SH2D4B: variants seen among roughly 807,000 people sequenced by gnomAD.
SH2D4B encodes the protein SH2 domain containing 4B, also known as SH2 domain-containing protein 4B.
A neutral mutation model predicts 61.5 loss-of-function variants in SH2D4B; 45 were observed. That is an observed-to-expected ratio of 0.73 (90% CI 0.58 to 0.94). The LOEUF (loss-of-function observed/expected upper bound fraction) is 0.94. Ranked by LOEUF, SH2D4B falls within the 40% of genes least tolerant of loss-of-function variation. The pLI is 0.00. For synonymous variants in SH2D4B, 224 were observed against 220.4 expected (o/e 1.02, Z -0.14); for missense variants, 572 against 574.2 (o/e 1.00, Z 0.04).
chr10:80,626,117 A>C (rs1392380768), intron 6 of SH2D4B, among the ~76,000 whole-genome samples: 1 of 151,386 alleles, frequency 6.6e-6, no homozygotes, highest in East Asian at 1.9e-4. Flanking sequence ...TGTGCTCATC[A>C]TTTGTTCCGG....
chr10:80,543,693 A>G (rs139248361), intron 1 of SH2D4B, among the ~76,000 whole-genome samples: 1,781 of 152,164 alleles, frequency 0.012, 31 homozygotes, highest in African/African-American at 0.039. Context: ...TGGTGGGGTC[A>G]TGGAGAACCT....
Position 80,538,346 on chromosome 10 carries a change from C to T in SH2D4B, c.15C>T (p.Ile5=). 7.4e-7 allele frequency: 1 copy of T among 1,359,184 alleles called. No homozygotes were observed. The highest frequency in any genetic ancestry group is 2.9e-5 in the East Asian group (1 of 34,040). The allele number at this position is 1,359,184 out of a possible 1,614,324, so 84.2% of individuals were successfully genotyped here. A position where few individuals can be genotyped will look rare whatever the true frequency, so the allele number is the denominator to read the frequency against. The change falls in exon 1 of 8, where the codon ATC becomes ATT. Residue 5 remains isoleucine (I), a synonymous_variant. Transcript: ENST00000646907. The surrounding 1 kb of genome is among the most constrained non-coding windows in gnomAD (Gnocchi z 4.8). MLQQ[I]LHDMYIDPEL... ...CAGGTGGCATCATGCTGCAGCAGAT[C>T]CTGCACGACATGTACATCGACCCCG...
intron 3 of SH2D4B, among the ~76,000 whole-genome samples, chr10:80,584,067 T>G (rs1289583212): frequency 1.3e-5 from 2 of 152,262 alleles, no homozygotes; most frequent in African/African-American, 4.8e-5. Context: ...GGAAAATGAT[T>G]TTTAATCAAA....
chr10:80,566,942 G>T (rs1172328783), intron 1 of SH2D4B, among the ~76,000 whole-genome samples: 1 of 152,122 alleles, frequency 6.6e-6, no homozygotes, highest in Non-Finnish European at 1.5e-5. Context: ...AAATAGCAAT[G>T]CACTCCTATA....
chr10:80,590,502 C>T (rs1198102669), intron 4 of SH2D4B, among the ~76,000 whole-genome samples: 3 of 152,098 alleles, frequency 2.0e-5, no homozygotes, highest in East Asian at 3.9e-4. Flanking sequence ...GATTAATACA[C>T]GTGGACAGTG....
chr10:80,565,932 T>C (rs1841961354), intron 1 of SH2D4B, among the ~76,000 whole-genome samples: 1 of 150,960 alleles, frequency 6.6e-6, no homozygotes, highest in South Asian at 2.1e-4. Context: ...CTACTAAAAA[T>C]ACAAAAAAAT....
At chr10:80,562,629 G>A (rs1353045319) in intron 1 of SH2D4B, among the ~76,000 whole-genome samples, 2 of 152,084 alleles carry the variant, frequency 1.3e-5, no homozygotes, top group African/African-American at 2.4e-5. Context: ...ATTTCCTCTG[G>A]ATATTTATCC....
intron 4 of SH2D4B, among the ~76,000 whole-genome samples, chr10:80,597,480 A>G (rs1171617517): frequency 6.6e-6 from 1 of 152,156 alleles, no homozygotes; most frequent in East Asian, 1.9e-4. Context: ...AGCCTGGCCA[A>G]CATGGTGAAA....
intron 4 of SH2D4B, among the ~76,000 whole-genome samples, chr10:80,600,778 C>T (rs754487204): frequency 1.3e-5 from 2 of 152,086 alleles, no homozygotes; most frequent in Non-Finnish European, 2.9e-5. Context: ...TCCAAAAACC[C>T]GGCTCCCTAG....
chr10:80,567,971 T>C (rs1330155740), intron 1 of SH2D4B, among the ~76,000 whole-genome samples: 1 of 152,182 alleles, frequency 6.6e-6, no homozygotes, highest in African/African-American at 2.4e-5. Flanking sequence ...TAAAATTCTT[T>C]CCTAGACATA....
intron 4 of SH2D4B, among the ~76,000 whole-genome samples, chr10:80,599,692 A>G (rs1842428722): frequency 6.6e-6 from 1 of 152,156 alleles, no homozygotes; most frequent in Admixed American, 6.5e-5. Context: ...AAGGGTTGAG[A>G]GAGCCCTTTC....
chr10:80,623,899 A>G (rs17107415), intron 6 of SH2D4B, among the ~76,000 whole-genome samples: 15,805 of 152,172 alleles, frequency 0.1, 1,130 homozygotes, highest in African/African-American at 0.2. Context: ...CAGATTGTCT[A>G]CAATTAATCA....
chr10:80,577,205 C>T (rs2132122604), intron 3 of SH2D4B, among the ~76,000 whole-genome samples: 1 of 152,314 alleles, frequency 6.6e-6, no homozygotes, highest in East Asian at 1.9e-4. Flanking sequence ...CCAAGTTAGC[C>T]ATGCAGAGAG....
intron 5 of SH2D4B, among the ~76,000 whole-genome samples, chr10:80,605,440 T>G (rs1842508040): frequency 6.6e-6 from 1 of 152,218 alleles, no homozygotes; most frequent in Admixed American, 6.5e-5. Context: ...AGTTTGGCAC[T>G]TATTTTTTGA....
At chr10:80,555,002 CAAAAAAAAAAA>C (rs35160548) in intron 1 of SH2D4B, among the ~76,000 whole-genome samples, 2 of 63,662 alleles carry the variant, frequency 3.1e-5, no homozygotes, top group Admixed American at 2.0e-4. Context: ...AGGCGAGTCT[CAAAAAAAAAAA>C]AAAAAAAAAA....
At chr10:80,544,842 G>T (rs896774954) in intron 1 of SH2D4B, among the ~76,000 whole-genome samples, 1 of 152,162 alleles carries the variant, frequency 6.6e-6, no homozygotes, top group Admixed American at 6.5e-5. Context: ...AAAGGCACAG[G>T]CCTTTGCTGG....
intron 4 of SH2D4B, among the ~76,000 whole-genome samples, chr10:80,592,094 G>A (rs1842334938): frequency 6.6e-6 from 1 of 152,188 alleles, no homozygotes; most frequent in Non-Finnish European, 1.5e-5. Context: ...TAGTGTGTGT[G>A]AAGTGACATC....
At chr10:80,588,185 C>A (rs981090910) in intron 3 of SH2D4B, among the ~76,000 whole-genome samples, 6 of 152,140 alleles carry the variant, frequency 3.9e-5, no homozygotes, top group African/African-American at 1.4e-4. Flanking sequence ...ATCTTCATCT[C>A]CCTAACTGAC....
intron 4 of SH2D4B, among the ~76,000 whole-genome samples, chr10:80,602,158 GGA>G (rs1430528250): frequency 1.3e-5 from 2 of 152,140 alleles, no homozygotes; most frequent in Non-Finnish European, 2.9e-5. Context: ...CCTTCCTTGA[GGA>G]GCACAAAAAG....
Sources: gnomAD v4.1 joint callset for allele counts (sites outside exome capture counted in the v4.1 genomes callset) on GRCh38, gnomAD v4.1.1 for gene constraint, Gnocchi (gnomAD v3.1) non-coding constraint, MANE v1.5 for transcripts, NCBI Gene and HGNC (gene_info 2026-07-23, HGNC 2026-07-21) for gene names.